Variants in SLC24A2 observed in about 807,000 individuals in gnomAD.
SLC24A2 encodes solute carrier family 24 member 2.
Under a neutral mutation model 62.0 loss-of-function variants are expected in SLC24A2, and 36 were observed. That is an observed-to-expected ratio of 0.58 (90% CI 0.44 to 0.77). The LOEUF (loss-of-function observed/expected upper bound fraction) is 0.77. SLC24A2 is among the 30% of genes least tolerant of loss of function. The pLI is 0.00. For missense variants in SLC24A2, 846 were observed against 817.9 expected (o/e 1.03, Z -0.42); for synonymous variants, 358 against 294.0 (o/e 1.22, Z -2.23).
chr9:20,033,811 G>C, the SLC24A2 span, among the ~76,000 whole-genome samples: 1 of 152,092 alleles, frequency 6.6e-6, no homozygotes, highest in Non-Finnish European at 1.5e-5. Flanking sequence ...CCCTTTTTTA[G>C]CATATGATCA....
chr9:20,184,731 A>T, the SLC24A2 span, among the ~76,000 whole-genome samples: 2 of 152,160 alleles, frequency 1.3e-5, no homozygotes. Context: ...ACCATATGTG[A>T]TCCAGCAATC....
chr9:19,622,458 T>C (rs1438154384), intron 2 of SLC24A2, among the ~76,000 whole-genome samples, 159 bp from the exon 3 acceptor site: 1 of 152,248 alleles, frequency 6.6e-6, no homozygotes, highest in Non-Finnish European at 1.5e-5. Context: ...TAAGGATGTA[T>C]ATTTTTAGCC....
the SLC24A2 span, among the ~76,000 whole-genome samples, chr9:20,083,883 T>C: frequency 6.6e-6 from 1 of 152,194 alleles, no homozygotes; most frequent in Non-Finnish European, 1.5e-5. Context: ...ATGCACAGGA[T>C]CCCAGACCCC....
At chr9:19,558,666 C>T (rs1037236240) in intron 7 of SLC24A2, among the ~76,000 whole-genome samples, 4 of 152,136 alleles carry the variant, frequency 2.6e-5, no homozygotes, top group African/African-American at 9.7e-5. Context: ...TTTCAGACTT[C>T]AACATTCAGT....
chr9:19,554,617 A>G (rs1395428184), intron 7 of SLC24A2, among the ~76,000 whole-genome samples: 2 of 152,180 alleles, frequency 1.3e-5, no homozygotes, highest in African/African-American at 2.4e-5. Flanking sequence ...AGGTGTGGCA[A>G]TGTGATTAAG....
chr9:19,955,111 G>A, the SLC24A2 span, among the ~76,000 whole-genome samples: 1 of 151,884 alleles, frequency 6.6e-6, no homozygotes, highest in Non-Finnish European at 1.5e-5. Flanking sequence ...TGCTCTTTCT[G>A]AAATTAGGAT....
At chr9:19,935,475 T>C in the SLC24A2 span, among the ~76,000 whole-genome samples, 4 of 152,274 alleles carry the variant, frequency 2.6e-5, no homozygotes, top group African/African-American at 9.6e-5. Context: ...TAAACTAATG[T>C]CTTGTTTGAG....
the SLC24A2 span, among the ~76,000 whole-genome samples, chr9:19,994,480 G>C: frequency 6.6e-6 from 1 of 152,158 alleles, no homozygotes; most frequent in Non-Finnish European, 1.5e-5. Context: ...TTGGGCACCT[G>C]TGGGTCTAGC....
the SLC24A2 span, among the ~76,000 whole-genome samples, chr9:20,033,039 G>C: frequency 6.6e-6 from 1 of 152,136 alleles, no homozygotes; most frequent in Non-Finnish European, 1.5e-5. Context: ...TAATTTTAGA[G>C]TTCATGCGTC....
At chr9:20,176,854 A>G in the SLC24A2 span, among the ~76,000 whole-genome samples, 1 of 152,110 alleles carries the variant, frequency 6.6e-6, no homozygotes, top group Non-Finnish European at 1.5e-5. Flanking sequence ...CTTATGAATA[A>G]AAGCTTTAGA....
At chr9:19,755,535 G>A (rs1385879233) in intron 2 of SLC24A2, among the ~76,000 whole-genome samples, 1 of 152,186 alleles carries the variant, frequency 6.6e-6, no homozygotes, top group Non-Finnish European at 1.5e-5. Context: ...GGCCGGGTGT[G>A]GAAGTATGAC....
At chr9:19,563,782 G>C (rs1398708935) in intron 7 of SLC24A2, among the ~76,000 whole-genome samples, 638 of 43,452 alleles carry the variant, frequency 0.015, 92 homozygotes, top group East Asian at 0.067. Flanking sequence ...CAAAACTGTT[G>C]GTTTTTATAA....
the SLC24A2 span, among the ~76,000 whole-genome samples, chr9:20,041,488 G>A: frequency 2.0e-5 from 3 of 152,234 alleles, no homozygotes; most frequent in Non-Finnish European, 2.9e-5. Flanking sequence ...GATAAACACA[G>A]CCAGGCTTTC....
chr9:19,782,863 T>G (rs934192189), intron 2 of SLC24A2, among the ~76,000 whole-genome samples: 1 of 152,210 alleles, frequency 6.6e-6, no homozygotes, highest in Non-Finnish European at 1.5e-5. Context: ...AAATGACTTC[T>G]CTGAAATCAC....
At chr9:19,694,464 T>C (rs535251943) in intron 2 of SLC24A2, among the ~76,000 whole-genome samples, 1 of 152,282 alleles carries the variant, frequency 6.6e-6, no homozygotes, top group African/African-American at 2.4e-5. Context: ...ACTTATAATT[T>C]ATTTTACTTT....
the SLC24A2 span, among the ~76,000 whole-genome samples, chr9:20,061,311 G>C: frequency 1.7e-4 from 26 of 150,810 alleles, no homozygotes; most frequent in African/African-American, 5.9e-4. Context: ...TTGAGACAGA[G>C]TCTCACTCTG....
the SLC24A2 span, among the ~76,000 whole-genome samples, chr9:19,885,491 C>T: frequency 2.0e-5 from 3 of 152,282 alleles, no homozygotes; most frequent in Non-Finnish European, 2.9e-5. Flanking sequence ...TATGAAAGTT[C>T]GTTCTTATCC....
the SLC24A2 span, among the ~76,000 whole-genome samples, chr9:19,935,781 C>G: frequency 3.0e-4 from 45 of 152,292 alleles, no homozygotes; most frequent in Middle Eastern, 3.4e-3. Flanking sequence ...AAGGGAACCA[C>G]CAAGTTAAAA....
At chr9:20,182,994 C>G in the SLC24A2 span, among the ~76,000 whole-genome samples, 2 of 152,104 alleles carry the variant, frequency 1.3e-5, no homozygotes, top group African/African-American at 4.8e-5. Context: ...TAGTTCAGTC[C>G]TCTCTGCAAA....
Sources: gnomAD v4.1 joint callset for allele counts (sites outside exome capture counted in the v4.1 genomes callset) on GRCh38, gnomAD v4.1.1 for gene constraint, MANE v1.5 for transcripts, NCBI Gene and HGNC (gene_info 2026-07-23, HGNC 2026-07-21) for gene names.